The following USP8 variants were observed in gnomAD, a reference collection of about 807,000 sequenced individuals.
The protein encoded by USP8 is ubiquitin carboxyl-terminal hydrolase 8.
A neutral mutation model predicts 130.0 loss-of-function variants in USP8; 27 were observed. The ratio of observed to expected loss-of-function variants is 0.21; its 90% CI spans 0.15 to 0.29. The LOEUF is 0.29. USP8 is among the 10% of genes least tolerant of loss of function. The pLI is 1.00. For missense variants in USP8, 1,029 were observed against 1,312.2 expected (o/e 0.78, Z 3.33); for synonymous variants, 392 against 444.1 (o/e 0.88, Z 1.48).
At chr15:50,494,003 T>C (rs1381594491) in intron 15 of USP8, 67 bp from the exon 16 acceptor site, 5 of 1,541,204 alleles carry the variant, frequency 3.2e-6, no homozygotes, top group Non-Finnish European at 4.5e-6. Context: ...ACATCAAGAA[T>C]CTACTGTACC....
chr15:50,482,066 G>A lies in USP8; in HGVS notation c.1803+1G>A, dbSNP rs1595968732. ...GACAGGGGATTCAGGTTCAGGCAAG[G>A]TAAGCAGAAACAGTACAAATTGCCA... On this transcript the variant is annotated splice_donor_variant, in intron 11 of 19. Transcript: ENST00000307179. LOFTEE classifies it high-confidence loss of function. 6.7e-7 allele frequency: 1 copy of A among 1,489,312 alleles called. No individual in the cohort carries two copies. Among genetic ancestry groups the A allele is most frequent in the Non-Finnish European group, 8.9e-7 (1 of 1,124,500 alleles). The allele number at this position is 1,489,312 out of a possible 1,614,324, so 92.3% of individuals were successfully genotyped here.
chr15:50,455,899 CTTTATTGGAAT>C (rs2141274163), intron 4 of USP8, among the ~76,000 whole-genome samples: 1 of 152,226 alleles, frequency 6.6e-6, no homozygotes, highest in South Asian at 2.1e-4. Flanking sequence ...AGATTGGGGT[CTTTATTGGAAT>C]TTTAGCTGTT....
intron 5 of USP8, among the ~76,000 whole-genome samples, chr15:50,460,752 T>G (rs1183310923): frequency 2.0e-5 from 3 of 152,212 alleles, no homozygotes; most frequent in African/African-American, 7.2e-5. Context: ...GAAACTACTC[T>G]TCCTAAAATA....
intron 2 of USP8, among the ~76,000 whole-genome samples, chr15:50,439,797 A>C (rs1286100147): frequency 4.1e-4 from 37 of 90,658 alleles, no homozygotes; most frequent in African/African-American, 3.1e-3. Flanking sequence ...TCTCAATAAT[A>C]ATAATAATAA....
chr15:50,477,580 CT>C (rs1321278007), intron 10 of USP8, 81 bp downstream of exon 10: 5 of 1,313,254 alleles, frequency 3.8e-6, no homozygotes, highest in Middle Eastern at 2.8e-4. Context: ...TGCCTCACGC[CT>C]GTAATCCCAG....
chr15:50,490,567 A>G, intron 14 of USP8, 42 bp downstream of exon 14: 1 of 1,590,032 alleles, frequency 6.3e-7, no homozygotes, highest in Non-Finnish European at 8.5e-7. Flanking sequence ...AATGTGCTGT[A>G]TTTCAAAGTT....
chr15:50,484,507 T>C (rs1273071620), intron 12 of USP8, 146 bp downstream of exon 12: 40 of 638,878 alleles, frequency 6.3e-5, no homozygotes, highest in Middle Eastern at 4.1e-4. Context: ...GGTGTTTTGC[T>C]TGTTTTTGCA....
chr15:50,482,334 ACATTCTT>A (rs1300179492), intron 11 of USP8, among the ~76,000 whole-genome samples: 3 of 152,266 alleles, frequency 2.0e-5, no homozygotes, highest in African/African-American at 7.2e-5. Flanking sequence ...ATAAATAGCT[ACATTCTT>A]CATTTTTATG....
intron 7 of USP8, among the ~76,000 whole-genome samples, chr15:50,466,373 C>T (rs1478722443): frequency 6.6e-6 from 1 of 152,066 alleles, no homozygotes; most frequent in African/African-American, 2.4e-5. Flanking sequence ...CCAAGGCAGG[C>T]GGATCACTTG....
At chr15:50,449,791 C>G (rs2050561271) in intron 4 of USP8, among the ~76,000 whole-genome samples, 1 of 151,502 alleles carries the variant, frequency 6.6e-6, no homozygotes, top group Non-Finnish European at 1.5e-5. Context: ...CCATGTTAGC[C>G]AGGATGGTCT....
At chr15:50,486,449 C>CT (rs1353795259) in intron 12 of USP8, among the ~76,000 whole-genome samples, 3 of 151,954 alleles carry the variant, frequency 2.0e-5, no homozygotes, top group African/African-American at 7.3e-5. Flanking sequence ...GATCATGCTA[C>CT]TGCATTCCAG....
intron 15 of USP8, chr15:50,493,376 C>T (rs775441728): frequency 1.9e-6 from 1 of 519,316 alleles, no homozygotes; most frequent in Non-Finnish European, 3.8e-6. Flanking sequence ...ACATCAAGAA[C>T]CCATTTTACC....
chr15:50,506,075 A>T lies in USP8; in HGVS notation c.*6987A>T, dbSNP rs1596004050. 1 of 152,374 alleles carries T rather than the reference A, an allele frequency of 6.6e-6. No homozygotes were observed. Among genetic ancestry groups the T allele is most frequent in the East Asian group, 1.9e-4 (1 of 5,192 alleles). 9.4% of individuals were successfully genotyped at this position (152,374 alleles called of 1,614,324 possible). A position where few individuals can be genotyped will look rare whatever the true frequency, so the allele number is the denominator to read the frequency against. On this transcript the variant is annotated 3_prime_UTR_variant, in exon 20 of 20. Coordinates refer to ENST00000307179, the MANE Select transcript of USP8 (RefSeq NM_005154.5). Reference sequence around the variant, plus strand: ...TCTTGATTAACTTTAGGCTTTAAGTATGAAAGCTGTCGTTTTTTAGCATAA... The same window carrying T: ...TCTTGATTAACTTTAGGCTTTAAGTTTGAAAGCTGTCGTTTTTTAGCATAA...
At chr15:50,436,142 G>A (rs2050084109) in intron 1 of USP8, among the ~76,000 whole-genome samples, 1 of 151,928 alleles carries the variant, frequency 6.6e-6, no homozygotes, top group African/African-American at 2.4e-5. Flanking sequence ...AGAAAACAAA[G>A]TAAATGCTTT....
intron 4 of USP8, among the ~76,000 whole-genome samples, chr15:50,450,462 C>CTTTTTTTTTTTTTTT (rs35800074): frequency 7.5e-5 from 6 of 80,456 alleles, no homozygotes; most frequent in East Asian, 3.8e-4. Context: ...GTTAGTCATT[C>CTTTTTTTTTTTTTTT]TTTTTTTTTT....
chr15:50,464,970 G>T, intron 6 of USP8, 77 bp from the exon 7 acceptor site: 1 of 1,534,512 alleles, frequency 6.5e-7, no homozygotes, highest in South Asian at 1.3e-5. Flanking sequence ...TAGAAAAAGC[G>T]GTTTGTCCTG....
chr15:50,492,338 A>C (rs16963737), intron 14 of USP8, among the ~76,000 whole-genome samples: 3,213 of 152,150 alleles, frequency 0.021, 103 homozygotes, highest in African/African-American at 0.073. Context: ...GGGTGAGTTC[A>C]AACATTTGAT....
chr15:50,444,624 A>G (rs2050367440), intron 3 of USP8: 1 of 152,044 alleles, frequency 6.6e-6, no homozygotes, highest in Non-Finnish European at 1.5e-5. Context: ...CCAGGCTGAG[A>G]CGCTCCCTGC....
At chr15:50,455,070 A>G (rs942594394) in intron 4 of USP8, among the ~76,000 whole-genome samples, 6 of 144,254 alleles carry the variant, frequency 4.2e-5, no homozygotes, top group Non-Finnish European at 9.3e-5. Flanking sequence ...ATATGTTTCA[A>G]TTCTAGAATT....
Sources: gnomAD v4.1 joint callset for allele counts (sites outside exome capture counted in the v4.1 genomes callset) on GRCh38, gnomAD v4.1.1 for gene constraint, MANE v1.5 for transcripts, NCBI Gene and HGNC (gene_info 2026-07-23, HGNC 2026-07-21) for gene names.